The following VSTM4 variants were observed in gnomAD, a reference collection of about 807,000 sequenced individuals.
VSTM4 encodes V-set and transmembrane domain-containing protein 4.
A neutral mutation model predicts 36.4 loss-of-function variants in VSTM4; 20 were observed. The ratio of observed to expected loss-of-function variants is 0.55; its 90% CI spans 0.39 to 0.80. The LOEUF (loss-of-function observed/expected upper bound fraction) is 0.80, where lower values mean the gene tolerates loss of function less well. VSTM4 is among the 30% of genes least tolerant of loss of function. The probability of loss-of-function intolerance (pLI) is 0.00; values close to 1 mark genes in which losing one functional copy is unlikely to be tolerated. For missense variants in VSTM4, 392 were observed against 404.5 expected (o/e 0.97, Z 0.26); for synonymous variants, 182 against 173.9 (o/e 1.05, Z -0.37).
chr10:49,089,663 T>A (rs898169547), intron 2 of VSTM4, among the ~76,000 whole-genome samples: 25 of 152,362 alleles, frequency 1.6e-4, no homozygotes, highest in African/African-American at 4.8e-4. Flanking sequence ...GTGCAGCAAC[T>A]TTGGCATCTG....
intron 3 of VSTM4, among the ~76,000 whole-genome samples, chr10:49,081,750 C>A (rs1381018150): frequency 6.6e-6 from 1 of 152,190 alleles, no homozygotes; most frequent in Non-Finnish European, 1.5e-5. Flanking sequence ...TGGACACCAG[C>A]CAGCGGGCAC....
At chr10:49,100,720 T>C (rs1209500226) in intron 2 of VSTM4, among the ~76,000 whole-genome samples, 2 of 152,122 alleles carry the variant, frequency 1.3e-5, no homozygotes, top group East Asian at 3.9e-4. Context: ...CAAACCCCAA[T>C]GTAATTTTTA....
intron 5 of VSTM4, among the ~76,000 whole-genome samples, chr10:49,058,580 C>G (rs1430783321): frequency 1.3e-5 from 2 of 151,946 alleles, no homozygotes; most frequent in African/African-American, 4.8e-5. Flanking sequence ...TCTCCCACTC[C>G]TGAAGGTCAG....
chr10:49,093,882 G>T (rs901957263), intron 2 of VSTM4, among the ~76,000 whole-genome samples: 1 of 151,624 alleles, frequency 6.6e-6, no homozygotes, highest in Non-Finnish European at 1.5e-5. Flanking sequence ...CAAGTAGCTG[G>T]GACCACAGGT....
intron 4 of VSTM4, among the ~76,000 whole-genome samples, chr10:49,067,153 T>C (rs1843987739): frequency 6.6e-6 from 1 of 152,238 alleles, no homozygotes; most frequent in Admixed American, 6.5e-5. Context: ...AAATTACATC[T>C]TTCGCAACAA....
chr10:49,094,173 C>A (rs1590125799), intron 2 of VSTM4, among the ~76,000 whole-genome samples: 1 of 152,154 alleles, frequency 6.6e-6, no homozygotes, highest in Admixed American at 6.5e-5. Context: ...GGGGTCCCAC[C>A]CTGCCCAGCA....
At chr10:49,078,891 G>C (rs1844228190) in intron 3 of VSTM4, among the ~76,000 whole-genome samples, 1 of 151,786 alleles carries the variant, frequency 6.6e-6, no homozygotes, top group Admixed American at 6.6e-5. Context: ...GAGCGCAGTG[G>C]CATAATCTTG....
chr10:49,052,811 A>G (rs1843718793), intron 5 of VSTM4, among the ~76,000 whole-genome samples: 1 of 152,170 alleles, frequency 6.6e-6, no homozygotes, highest in South Asian at 2.1e-4. Context: ...CATTATGTTC[A>G]GGGATTTCCT....
chr10:49,035,715 G>A (rs1321543168), intron 7 of VSTM4, among the ~76,000 whole-genome samples: 2 of 148,606 alleles, frequency 1.3e-5, no homozygotes, highest in Non-Finnish European at 3.0e-5. Context: ...GCACATGCCT[G>A]TGGTACCAGC....
In VSTM4 at chr10:49,107,984, C is replaced by A; in HGVS notation, c.67G>T (p.Ala23Ser). 1 of 1,576,956 alleles carries A rather than the reference C, an allele frequency of 6.3e-7. No individual in the cohort carries two copies. The highest frequency in any genetic ancestry group is 8.6e-7 in the Non-Finnish European group (1 of 1,159,804). ...ARAPAPEVCAALNVTVSPGPV... is the reference protein window; with the variant it reads ...ARAPAPEVCASLNVTVSPGPV... ...CCCGGGGACACAGTGACATTGAGGG[C>A]CGCACAGACCTCTGCAGAGAAAAAG... The change falls in exon 2 of 8, where the codon GCC becomes TCC. Residue 23 changes from alanine to serine, a missense_variant. Ala to Ser is a moderately conservative substitution (Grantham distance 99). Coordinates refer to ENST00000332853, the MANE Select transcript of VSTM4 (RefSeq NM_001031746.5).
chr10:49,032,411 C>G (rs1178733597), intron 7 of VSTM4, among the ~76,000 whole-genome samples: 1 of 152,192 alleles, frequency 6.6e-6, no homozygotes, highest in Non-Finnish European at 1.5e-5. Flanking sequence ...ACAGGCTTGA[C>G]AGGAAAGAAA....
chr10:49,021,741 T>C (rs1337463079), intron 7 of VSTM4, among the ~76,000 whole-genome samples: 1 of 151,926 alleles, frequency 6.6e-6, no homozygotes, highest in Non-Finnish European at 1.5e-5. Flanking sequence ...TCCTATACTA[T>C]GGGTGGGAGT....
chr10:49,114,932 C>G (rs1844963721), intron 1 of VSTM4, among the ~76,000 whole-genome samples: 1 of 152,134 alleles, frequency 6.6e-6, no homozygotes, highest in African/African-American at 2.4e-5. Context: ...CTGGTCACCT[C>G]AAAAGGCCCA....
intron 6 of VSTM4, among the ~76,000 whole-genome samples, chr10:49,047,678 A>G (rs982814844): frequency 6.6e-6 from 1 of 152,128 alleles, no homozygotes; most frequent in East Asian, 1.9e-4. Context: ...TCCCAGGTCC[A>G]TGCTTTTCAT....
intron 7 of VSTM4, among the ~76,000 whole-genome samples, chr10:49,026,189 A>G (rs1819491889): frequency 6.6e-6 from 1 of 152,196 alleles, no homozygotes; most frequent in Non-Finnish European, 1.5e-5. Context: ...CCTGCTCAAG[A>G]TGGTAGAGAA....
chr10:49,103,710 T>C, intron 2 of VSTM4: 1 of 1,609,610 alleles, frequency 6.2e-7, no homozygotes, highest in Non-Finnish European at 8.5e-7. Flanking sequence ...TTCTGGGAGT[T>C]TCCAGTGAAA....
At chr10:49,058,339 G>C (rs1843818091) in intron 5 of VSTM4, among the ~76,000 whole-genome samples, 1 of 152,168 alleles carries the variant, frequency 6.6e-6, no homozygotes, top group Non-Finnish European at 1.5e-5. Flanking sequence ...GGATCCATTG[G>C]AGAGTCATTG....
intron 2 of VSTM4, among the ~76,000 whole-genome samples, chr10:49,090,179 A>AT (rs1844447094): frequency 1.3e-5 from 2 of 152,240 alleles, no homozygotes; most frequent in African/African-American, 4.8e-5. Context: ...ATGGAAGAGC[A>AT]TTTTTGTAAC....
intron 5 of VSTM4, among the ~76,000 whole-genome samples, chr10:49,058,323 G>A (rs555580698): frequency 1.3e-5 from 2 of 152,294 alleles, no homozygotes; most frequent in Non-Finnish European, 2.9e-5. Context: ...AGGAAAGAAG[G>A]CATCTGGATC....
Sources: allele counts gnomAD v4.1 joint callset (sites outside exome capture counted in the v4.1 genomes callset), GRCh38; gene constraint gnomAD v4.1.1; transcripts MANE v1.5; gene names NCBI Gene and HGNC (gene_info 2026-07-23, HGNC 2026-07-21).